The following LRP1B variants were observed in gnomAD, a reference collection of about 807,000 sequenced individuals.
LRP1B encodes the protein LDL receptor related protein 1B, also known as low-density lipoprotein receptor-related protein 1B.
In LRP1B, 217 loss-of-function variants were observed where a neutral mutation model predicts 556.6. The ratio of observed to expected loss-of-function variants is 0.39; its 90% CI spans 0.35 to 0.44. The LOEUF (loss-of-function observed/expected upper bound fraction) is 0.44. Ranked by LOEUF, LRP1B falls within the 20% of genes least tolerant of loss-of-function variation. LRP1B has a pLI of 1.00. For missense variants in LRP1B, 5,053 were observed against 5,620.8 expected, an observed-to-expected ratio of 0.90 and a Z score of 3.23; for synonymous variants, 2,047 against 1,865.8, an observed-to-expected ratio of 1.10 and a Z score of -2.50.
chr2:140,909,312 A>T (rs530661609), intron 21 of LRP1B, among the ~76,000 whole-genome samples: 2 of 152,276 alleles, frequency 1.3e-5, no homozygotes, highest in Admixed American at 6.5e-5. Context: ...GGAAAATATT[A>T]CATTGTATAT....
Position 140,511,520 on chromosome 2 carries a change from C to A in LRP1B, c.8270-1464G>T, listed in dbSNP as rs564702519. Among the ~76,000 whole-genome samples, 307 of 152,158 alleles carry A rather than the reference C, an allele frequency of 2.0e-3. 1 individual carries two copies. Among genetic ancestry groups the A allele is most frequent in the African/African-American group, 6.7e-3 (277 of 41,532 alleles). On this transcript the variant is annotated intron_variant, in intron 51 of 90. Coordinates refer to ENST00000389484, the MANE Select transcript of LRP1B (RefSeq NM_018557.3). ...GTTTCACTGTGTTAGCCAGAATGGT[C>A]TCAATATCCTGACCTCGTGATCCGC...
chr2:140,414,182 C>G (rs1367600704), intron 66 of LRP1B, among the ~76,000 whole-genome samples: 3 of 152,172 alleles, frequency 2.0e-5, no homozygotes, highest in Non-Finnish European at 4.4e-5. Context: ...TTTCAAAGCA[C>G]TGGGATTACA....
At position 140,445,768 on chromosome 2, in the gene LRP1B, T is replaced by C. The variant is rs566172997; in HGVS notation, c.10058-1089A>G. ...AAGAGTAAACTAAATTTACTGAATA[T>C]GAATAATTCACCTAAGGATGCACAA... On this transcript the variant is annotated intron_variant, in intron 63 of 90. Coordinates refer to ENST00000389484, the MANE Select transcript of LRP1B (RefSeq NM_018557.3). Among the ~76,000 whole-genome samples, 208 of 152,240 alleles carry C rather than the reference T, an allele frequency of 1.4e-3. 1 individual carries two copies. Among genetic ancestry groups the C allele is most frequent in the African/African-American group, 4.8e-3 (200 of 41,560 alleles).
At chr2:141,749,986 G>C (rs577615168) in intron 2 of LRP1B, among the ~76,000 whole-genome samples, 1 of 152,082 alleles carries the variant, frequency 6.6e-6, no homozygotes, top group Admixed American at 6.6e-5. Context: ...ACTAGTAACC[G>C]GAAGGAAGCT....
At chr2:140,446,092 C>A (rs1686648245) in intron 63 of LRP1B, among the ~76,000 whole-genome samples, 1 of 152,064 alleles carries the variant, frequency 6.6e-6, no homozygotes, top group South Asian at 2.1e-4. Flanking sequence ...TGCTTCCAAT[C>A]TATAACATTT....
At chr2:141,164,170 T>C (rs1207180949) in intron 7 of LRP1B, among the ~76,000 whole-genome samples, 1 of 152,020 alleles carries the variant, frequency 6.6e-6, no homozygotes, top group African/African-American at 2.4e-5. Flanking sequence ...CAAGTCAAAA[T>C]CTTTCAAAGA....
At chr2:140,248,529 T>C (rs1306734161) in intron 86 of LRP1B, among the ~76,000 whole-genome samples, 3 of 151,612 alleles carry the variant, frequency 2.0e-5, no homozygotes, top group Admixed American at 6.6e-5. Flanking sequence ...TTATAAACCA[T>C]AATACAAGTA....
intron 1 of LRP1B, among the ~76,000 whole-genome samples, chr2:142,013,840 G>A (rs1256372783): frequency 1.3e-5 from 2 of 151,892 alleles, no homozygotes; most frequent in African/African-American, 4.8e-5. Context: ...AATGAGCCTG[G>A]GACTTGCTGG....
chr2:141,190,205 C>T (rs983975365), intron 6 of LRP1B, among the ~76,000 whole-genome samples: 3 of 151,968 alleles, frequency 2.0e-5, no homozygotes, highest in African/African-American at 7.2e-5. Context: ...GGATACTATA[C>T]TATCTTCAGC....
intron 2 of LRP1B, among the ~76,000 whole-genome samples, chr2:141,487,625 A>G (rs904881668): frequency 5.9e-5 from 9 of 152,138 alleles, no homozygotes; most frequent in African/African-American, 9.7e-5. Flanking sequence ...TTTATACACT[A>G]CTTCATTCAC....
chr2:140,427,285 G>A (rs189222806), intron 66 of LRP1B, among the ~76,000 whole-genome samples: 138 of 152,198 alleles, frequency 9.1e-4, no homozygotes, highest in Admixed American at 4.9e-3. Flanking sequence ...TTGCGAGGAC[G>A]CCTGCTTTGG....
Position 141,673,208 on chromosome 2 carries a change from A to G in LRP1B, c.205+137071T>C, listed in dbSNP as rs182397995. On this transcript the variant is annotated intron_variant, in intron 2 of 90. Transcript: ENST00000389484. ...AAACAGAGTCTCTTCCACAATCCTG[A>G]AAGCAGTTGTCCTACTGTTTACTTA... 1.4e-3 allele frequency among the ~76,000 whole-genome samples: 208 copies of G among 152,314 alleles called. 1 individual carries two copies. The highest frequency in any genetic ancestry group is 3.4e-3 in the Middle Eastern group (1 of 294).
chr2:140,416,035 T>C (rs750107403), intron 66 of LRP1B, among the ~76,000 whole-genome samples: 2 of 152,124 alleles, frequency 1.3e-5, no homozygotes, highest in African/African-American at 4.8e-5. Context: ...TGAGTACTGA[T>C]TGGTGGCCTG....
intron 2 of LRP1B, among the ~76,000 whole-genome samples, chr2:141,736,858 G>C (rs1424160335): frequency 2.0e-5 from 3 of 152,116 alleles, no homozygotes; most frequent in Non-Finnish European, 1.5e-5. Flanking sequence ...CATAAGAAGG[G>C]ATGACCCCCA....
At chr2:141,906,440 A>G (rs1699763665) in intron 1 of LRP1B, among the ~76,000 whole-genome samples, 1 of 151,988 alleles carries the variant, frequency 6.6e-6, no homozygotes, top group Non-Finnish European at 1.5e-5. Flanking sequence ...ATATTTTTCG[A>G]AGAAAGTTTT....
chr2:140,236,977 A>C (rs1680736158), intron 89 of LRP1B, among the ~76,000 whole-genome samples: 1 of 151,024 alleles, frequency 6.6e-6, no homozygotes, highest in Admixed American at 6.6e-5. Flanking sequence ...AAATCAAAGT[A>C]TTTAGCATAT....
At chr2:140,608,129 A>C (rs999935541) in intron 41 of LRP1B, among the ~76,000 whole-genome samples, 3 of 152,168 alleles carry the variant, frequency 2.0e-5, no homozygotes, top group Admixed American at 1.3e-4. Flanking sequence ...TAGAAATAAA[A>C]ATTTTCATTA....
intron 6 of LRP1B, among the ~76,000 whole-genome samples, chr2:141,217,124 G>C (rs565582852): frequency 1.5e-4 from 23 of 152,098 alleles, no homozygotes; most frequent in Non-Finnish European, 3.2e-4. Context: ...ATGTTAAATT[G>C]TAATCTCCAA....
chr2:141,333,701 T>A (rs1687743388), intron 3 of LRP1B, among the ~76,000 whole-genome samples: 1 of 152,246 alleles, frequency 6.6e-6, no homozygotes, highest in Non-Finnish European at 1.5e-5. Flanking sequence ...CATACAACTA[T>A]AATTTACTAG....
Sources: allele counts gnomAD v4.1 joint callset (sites outside exome capture counted in the v4.1 genomes callset), GRCh38; gene constraint gnomAD v4.1.1; transcripts MANE v1.5; gene names NCBI Gene and HGNC (gene_info 2026-07-23, HGNC 2026-07-21).